Variants in PCDHGB5 observed in about 807,000 individuals in gnomAD.
PCDHGB5 encodes the protein protocadherin gamma-B5.
Under a neutral mutation model 62.9 loss-of-function variants are expected in PCDHGB5, and 48 were observed. The observed-to-expected ratio is 0.76, with a 90% CI of 0.61 to 0.97. PCDHGB5 has a LOEUF of 0.97. Ranked by LOEUF, PCDHGB5 falls within the 50% of genes least tolerant of loss-of-function variation. The pLI is 0.00. For synonymous variants in PCDHGB5, 474 were observed against 511.2 expected (o/e 0.93, Z 0.98); for missense variants, 1,118 against 1,198.6 (o/e 0.93, Z 0.99).
chr5:141,422,853 C>T (rs746989617), intron 1 of PCDHGB5: 8 of 1,614,264 alleles, frequency 5.0e-6, no homozygotes, highest in South Asian at 3.3e-5. Flanking sequence ...GGGACCCGCC[C>T]CTCAGCAGCA....
In PCDHGB5 at chr5:141,512,517, A is replaced by G. The variant is rs985434754; in HGVS notation, c.*1344A>G. ...GTCCCCAGTGCGCCCCCTAGTGGCC[A>G]TAGCCTGGTTAAAGTTCCCCAGTGC... On this transcript the variant is annotated 3_prime_UTR_variant, in exon 4 of 4. Coordinates refer to ENST00000617380, the MANE Select transcript of PCDHGB5 (RefSeq NM_018925.3). 3 of 152,938 alleles carry G rather than the reference A, an allele frequency of 2.0e-5. No individual in the cohort carries two copies. Among genetic ancestry groups the G allele is most frequent in the African/African-American group, 7.2e-5 (3 of 41,464 alleles). 9.5% of individuals were successfully genotyped at this position (152,938 alleles called of 1,614,324 possible).
intron 2 of PCDHGB5, among the ~76,000 whole-genome samples, chr5:141,503,166 A>T (rs1246987375): frequency 1.3e-5 from 2 of 151,884 alleles, no homozygotes; most frequent in Admixed American, 1.3e-4. Context: ...CACAATTGCA[A>T]TTACTCTATT....
At chr5:141,403,960 G>A (rs775638627) in intron 1 of PCDHGB5, 10 of 1,613,658 alleles carry the variant, frequency 6.2e-6, no homozygotes, top group East Asian at 4.5e-5. Flanking sequence ...TGCTCATTTC[G>A]GTGGAAGATG....
chr5:141,419,759 G>A (rs1179602962), intron 1 of PCDHGB5: 2 of 1,614,004 alleles, frequency 1.2e-6, no homozygotes, highest in Admixed American at 3.3e-5. Context: ...TGCTTTGGGT[G>A]ACAAGGACTC....
At position 141,491,187 on chromosome 5, in the gene PCDHGB5, G is replaced by A. The variant is rs2099709293; in HGVS notation, c.2398-3620G>A. ...CCCAGCAGGTGGTGGTCCTGGTGAG[G>A]GACAATGGTGACCCTTCACTCTCCT... On this transcript the variant is annotated intron_variant, in intron 1 of 3. Coordinates refer to ENST00000617380, the MANE Select transcript of PCDHGB5 (RefSeq NM_018925.3). The surrounding 1 kb of genome is among the most constrained non-coding windows in gnomAD (Gnocchi z 6.9). The A allele has an allele frequency of 6.2e-7, 1 of 1,614,064 alleles. No homozygotes were observed. The highest frequency in any genetic ancestry group is 1.1e-5 in the South Asian group (1 of 91,080).
At chr5:141,503,005 G>A (rs915064303) in intron 2 of PCDHGB5, among the ~76,000 whole-genome samples, 16 of 145,340 alleles carry the variant, frequency 1.1e-4, no homozygotes, top group African/African-American at 2.3e-4. Flanking sequence ...CACCATGCCC[G>A]GTTAATTTTT....
At chr5:141,410,847 G>GTTTTT (rs773839667) in intron 1 of PCDHGB5, 12 of 158,330 alleles carry the variant, frequency 7.6e-5, no homozygotes, top group African/African-American at 2.5e-4. Flanking sequence ...TTTTGTCTTT[G>GTTTTT]TCTTTTTTTT....
intron 1 of PCDHGB5, chr5:141,422,738 C>G: frequency 6.2e-7 from 1 of 1,609,538 alleles, no homozygotes; most frequent in Non-Finnish European, 8.5e-7. Flanking sequence ...CCTCTGTCCT[C>G]CTATGTCTCT....
At chr5:141,499,835 C>T (rs931946377) in intron 2 of PCDHGB5, among the ~76,000 whole-genome samples, 2 of 151,916 alleles carry the variant, frequency 1.3e-5, no homozygotes, top group Admixed American at 6.6e-5. Flanking sequence ...TACAGGTGTG[C>T]ACCACCACAC....
chr5:141,397,964 T>A lies in PCDHGB5; in HGVS notation c.-164T>A. 9.4e-7 allele frequency: 1 copy of A among 1,060,074 alleles called. No homozygotes were observed. The highest frequency in any genetic ancestry group is 1.3e-6 in the Non-Finnish European group (1 of 746,952). The allele number at this position is 1,060,074 out of a possible 1,614,324, so 65.7% of individuals were successfully genotyped here. On this transcript the variant is annotated 5_prime_UTR_variant, in exon 1 of 4. Coordinates refer to ENST00000617380, the MANE Select transcript of PCDHGB5 (RefSeq NM_018925.3). Reference sequence around the variant, plus strand: ...TTTCCAGGGCAGCCCCAGCTCAGACTCCCCAGCGCCGGCCTTTACACCGCT... The same window carrying A: ...TTTCCAGGGCAGCCCCAGCTCAGACACCCCAGCGCCGGCCTTTACACCGCT...
chr5:141,435,296 T>A (rs545583818), intron 1 of PCDHGB5, among the ~76,000 whole-genome samples: 44 of 152,328 alleles, frequency 2.9e-4, no homozygotes, highest in African/African-American at 9.9e-4. Context: ...AGTCATTTCA[T>A]GGTTTTAAAT....
intron 1 of PCDHGB5, among the ~76,000 whole-genome samples, chr5:141,472,213 C>T (rs1294676431): frequency 2.0e-5 from 3 of 152,178 alleles, no homozygotes; most frequent in African/African-American, 7.2e-5. Flanking sequence ...TAAGACCTTA[C>T]TCTCGATCAT....
intron 1 of PCDHGB5, chr5:141,409,447 AC>A (rs779658060): frequency 1.4e-4 from 222 of 1,613,890 alleles, no homozygotes; most frequent in Non-Finnish European, 1.8e-4. Context: ...GAGAGCAGAC[AC>A]CAGAATACAA....
intron 1 of PCDHGB5, among the ~76,000 whole-genome samples, chr5:141,461,557 C>T (rs2154567400): frequency 6.6e-6 from 1 of 152,122 alleles, no homozygotes; most frequent in East Asian, 1.9e-4. Context: ...CAGATGTGTA[C>T]TTTGCAAAGA....
chr5:141,399,008 G>GC lies in PCDHGB5; in HGVS notation c.882dup (p.Gly295ArgfsTer12). The GC allele has an allele frequency of 6.2e-7, 1 of 1,613,904 alleles. No individual in the cohort carries two copies. Among genetic ancestry groups the GC allele is most frequent in the Non-Finnish European group, 8.5e-7 (1 of 1,179,896 alleles). ...CAAATCTTTAGTCTGAATTCAAAGA[G>GC]CGGAGAAATTACCACTCAAAAGAAA... On this transcript the variant is annotated frameshift_variant, in exon 1 of 4. Coordinates refer to ENST00000617380, the MANE Select transcript of PCDHGB5 (RefSeq NM_018925.3). LOFTEE classifies it high-confidence loss of function.
At chr5:141,456,615 A>G (rs561978043) in intron 1 of PCDHGB5, among the ~76,000 whole-genome samples, 3 of 152,318 alleles carry the variant, frequency 2.0e-5, no homozygotes, top group East Asian at 3.9e-4. Flanking sequence ...AAGTCCCTGT[A>G]GATTTGCCTC....
intron 3 of PCDHGB5, among the ~76,000 whole-genome samples, chr5:141,506,381 G>A (rs750584158): frequency 2.0e-5 from 3 of 151,216 alleles, no homozygotes; most frequent in Non-Finnish European, 4.4e-5. Context: ...CCTGGGAGGT[G>A]GCTGTGGTGA....
At chr5:141,415,285 G>T in intron 1 of PCDHGB5, 1 of 1,614,216 alleles carries the variant, frequency 6.2e-7, no homozygotes. Flanking sequence ...GGTGGCCGCG[G>T]TCTCCTGCGT....
At chr5:141,423,003 G>A (rs779233337) in intron 1 of PCDHGB5, 1 of 1,614,208 alleles carries the variant, frequency 6.2e-7, no homozygotes, top group African/African-American at 1.3e-5. Flanking sequence ...TGACCAAGGT[G>A]GTTGCGGTGG....
Sources: allele counts gnomAD v4.1 joint callset (sites outside exome capture counted in the v4.1 genomes callset), GRCh38; gene constraint gnomAD v4.1.1; non-coding constraint Gnocchi (gnomAD v3.1); transcripts MANE v1.5; gene names NCBI Gene and HGNC (gene_info 2026-07-23, HGNC 2026-07-21).